ADAMTSL1: variants seen among roughly 807,000 people sequenced by gnomAD.
The protein encoded by ADAMTSL1 is ADAMTS-like protein 1.
In ADAMTSL1, 126 loss-of-function variants were observed where a neutral mutation model predicts 201.8. That is an observed-to-expected ratio of 0.62 (90% CI 0.54 to 0.72). The LOEUF is 0.72. Ranked by LOEUF, ADAMTSL1 falls within the 30% of genes least tolerant of loss-of-function variation. The pLI is 0.00. For synonymous variants in ADAMTSL1, 1,121 were observed against 903.4 expected (o/e 1.24, Z -4.32); for missense variants, 2,679 against 2,277.8 (o/e 1.18, Z -3.59).
intron 23 of ADAMTSL1, among the ~76,000 whole-genome samples, chr9:18,879,415 T>G (rs1277801044): frequency 6.6e-6 from 1 of 152,202 alleles, no homozygotes; most frequent in Non-Finnish European, 1.5e-5. Context: ...AAACTGATCT[T>G]AGCCTTGATA....
Position 18,795,465 on chromosome 9 carries a change from C to T in ADAMTSL1, c.3746C>T (p.Thr1249Ile). The T allele has an allele frequency of 6.2e-7, 1 of 1,613,908 alleles. No individual in the cohort carries two copies. Among genetic ancestry groups the T allele is most frequent in the Non-Finnish European group, 8.5e-7 (1 of 1,179,848 alleles). ...GTGGAAGCAGATGTGGGTTTCTACACTTGCAATGCCACCAATGCCTTGGGA... is the reference window on the plus strand; with the variant it reads ...GTGGAAGCAGATGTGGGTTTCTACATTTGCAATGCCACCAATGCCTTGGGA... ...APVEADVGFYTCNATNALGYD... is the reference protein window; with the variant it reads ...APVEADVGFYICNATNALGYD... The change falls in exon 20 of 29, where the codon ACT (threonine) becomes ATT (isoleucine). Residue 1249 changes from threonine (T) to isoleucine (I), a missense_variant. Physicochemically the swap from Thr to Ile is moderately conservative, Grantham distance 89 (BLOSUM62 -1). Coordinates refer to ENST00000380548, the MANE Select transcript of ADAMTSL1 (RefSeq NM_001040272.6).
intron 4 of ADAMTSL1, among the ~76,000 whole-genome samples, chr9:18,609,500 A>C (rs138223923): frequency 1.3e-5 from 2 of 152,186 alleles, no homozygotes; most frequent in Admixed American, 1.3e-4. Context: ...TATTCCTTCA[A>C]TGGAATTTGA....
chr9:18,712,787 C>T (rs1340695174), intron 14 of ADAMTSL1, among the ~76,000 whole-genome samples: 2 of 151,846 alleles, frequency 1.3e-5, no homozygotes, highest in African/African-American at 2.4e-5. Flanking sequence ...AACTCCAAGA[C>T]ACATAATTGT....
At chr9:18,884,424 G>T (rs368552296) in intron 23 of ADAMTSL1, among the ~76,000 whole-genome samples, 1 of 152,080 alleles carries the variant, frequency 6.6e-6, no homozygotes, top group African/African-American at 2.4e-5. Context: ...AATTTTGATG[G>T]AATCCACTTT....
chr9:18,158,722 C>T (rs1827260781), intron 1 of ADAMTSL1, among the ~76,000 whole-genome samples: 1 of 151,926 alleles, frequency 6.6e-6, no homozygotes, highest in African/African-American at 2.4e-5. Context: ...GGAGTATGCC[C>T]ATTTCTGACT....
At position 18,769,464 on chromosome 9, in the gene ADAMTSL1, C is replaced by T. The variant is rs1820557901; in HGVS notation, c.2218-1138C>T. Among the ~76,000 whole-genome samples the T allele has an allele frequency of 2.6e-5, 4 of 152,288 alleles. No individual in the cohort carries two copies. In the South Asian group the frequency reaches 8.3e-4, roughly 32 times the overall value. On this transcript the variant is annotated intron_variant, in intron 16 of 28. Transcript: ENST00000380548. ...AACTCTTAGCTAGGGTTATGTCAGA[C>T]TGAAAGTGATAGAAAACCCAAAATA...
chr9:18,029,091 T>A (rs1450065676), intron 1 of ADAMTSL1, among the ~76,000 whole-genome samples: 1 of 152,204 alleles, frequency 6.6e-6, no homozygotes, highest in African/African-American at 2.4e-5. Flanking sequence ...AGAATGCTTG[T>A]GATTTTTGCA....
intron 3 of ADAMTSL1, among the ~76,000 whole-genome samples, chr9:18,554,032 A>G (rs747690848): frequency 4.0e-4 from 61 of 151,822 alleles, no homozygotes; most frequent in South Asian, 8.3e-4. Flanking sequence ...TTGTCTCTCT[A>G]TATTGTATTT....
intron 1 of ADAMTSL1, among the ~76,000 whole-genome samples, chr9:17,920,205 T>G (rs1826252255): frequency 6.6e-6 from 1 of 152,184 alleles, no homozygotes; most frequent in African/African-American, 2.4e-5. Context: ...GTCACATGCC[T>G]ATGAATAATT....
chr9:18,681,698 G>GGT (rs1554728662), intron 11 of ADAMTSL1, 114 bp from the exon 12 acceptor site: 11 of 323,004 alleles, frequency 3.4e-5, no homozygotes, highest in African/African-American at 5.4e-5. Context: ...GTCCTCGTGT[G>GGT]GGGGGGGGGG....
chr9:18,572,205 A>T (rs1008384984), intron 3 of ADAMTSL1, among the ~76,000 whole-genome samples: 10 of 152,134 alleles, frequency 6.6e-5, no homozygotes, highest in South Asian at 2.1e-4. Flanking sequence ...AAAAAAAAAA[A>T]AAATAAAGTT....
intron 15 of ADAMTSL1, among the ~76,000 whole-genome samples, chr9:18,749,334 G>C (rs1425852056): frequency 6.6e-6 from 1 of 152,120 alleles, no homozygotes; most frequent in East Asian, 1.9e-4. Context: ...AGTATTAATG[G>C]GACCATACAG....
At chr9:18,204,971 C>T (rs180977961) in intron 2 of ADAMTSL1, among the ~76,000 whole-genome samples, 1 of 152,206 alleles carries the variant, frequency 6.6e-6, no homozygotes, top group Admixed American at 6.5e-5. Flanking sequence ...TTACAACAGA[C>T]AAAATGCCAC....
At chr9:18,161,997 C>G (rs1292317282) in intron 1 of ADAMTSL1, among the ~76,000 whole-genome samples, 1 of 151,980 alleles carries the variant, frequency 6.6e-6, no homozygotes, top group Non-Finnish European at 1.5e-5. Context: ...GCTGCCATAA[C>G]AAATTACCAC....
At chr9:17,914,136 A>C (rs2131274296) in intron 1 of ADAMTSL1, among the ~76,000 whole-genome samples, 1 of 152,354 alleles carries the variant, frequency 6.6e-6, no homozygotes, top group East Asian at 1.9e-4. Context: ...ATTCCAATCA[A>C]TAGAAAAAGA....
In ADAMTSL1 at chr9:18,554,236, A is replaced by G. The variant is rs147650249; in HGVS notation, c.238-19794A>G. On this transcript the variant is annotated intron_variant, in intron 3 of 28. Transcript: ENST00000380548. ...TTCAAAATTCTTCTTAAAAATGTCC[A>G]TAAGCATGTTAAATTTTTTTATTTT... is the stretch of plus-strand genomic sequence containing the variant. 5.0e-3 allele frequency among the ~76,000 whole-genome samples: 762 copies of G among 151,820 alleles called. 8 individuals carry two copies. Among genetic ancestry groups the G allele is most frequent in the Non-Finnish European group, 7.8e-3 (532 of 67,840 alleles).
chr9:18,704,169 A>G (rs1311583985), intron 13 of ADAMTSL1, among the ~76,000 whole-genome samples: 3 of 152,188 alleles, frequency 2.0e-5, no homozygotes, highest in Admixed American at 2.0e-4. Flanking sequence ...CACCCTTTTT[A>G]AAACTAAAGT....
intron 2 of ADAMTSL1, among the ~76,000 whole-genome samples, chr9:18,349,344 C>T (rs1465503593): frequency 6.6e-6 from 1 of 152,070 alleles, no homozygotes; most frequent in Non-Finnish European, 1.5e-5. Context: ...TAAATGACTC[C>T]CCAGAACACG....
At chr9:18,497,704 C>T (rs1319497919) in intron 1 of ADAMTSL1, among the ~76,000 whole-genome samples, 1 of 152,114 alleles carries the variant, frequency 6.6e-6, no homozygotes, top group African/African-American at 2.4e-5. Context: ...AATGGTCTGT[C>T]GAAAATTTCC....
Sources: allele counts gnomAD v4.1 joint callset (sites outside exome capture counted in the v4.1 genomes callset), GRCh38; gene constraint gnomAD v4.1.1; transcripts MANE v1.5; gene names NCBI Gene and HGNC (gene_info 2026-07-23, HGNC 2026-07-21).